Variants in PLXNA4 observed in about 807,000 individuals in gnomAD.
PLXNA4 encodes the protein plexin A4.
Under a neutral mutation model 191.8 loss-of-function variants are expected in PLXNA4, and 44 were observed. The observed-to-expected ratio is 0.23, with a 90% CI of 0.18 to 0.29. The LOEUF (loss-of-function observed/expected upper bound fraction) is 0.29. Ranked by LOEUF, PLXNA4 falls within the 10% of genes least tolerant of loss-of-function variation. The probability of loss-of-function intolerance (pLI) is 1.00; values close to 1 mark genes in which losing one functional copy is unlikely to be tolerated. For missense variants in PLXNA4, 1,800 were observed against 2,488.8 expected (o/e 0.72, Z 5.89); for synonymous variants, 1,082 against 1,009.5 (o/e 1.07, Z -1.36).
chr7:132,226,348 G>A, intron 7 of PLXNA4, 88 bp from the exon 8 acceptor site: 1 of 1,166,092 alleles, frequency 8.6e-7, no homozygotes, highest in Non-Finnish European at 1.2e-6. Context: ...GGAAAAGGGA[G>A]CCTGCTCCCC....
At chr7:132,402,218 T>C (rs1299857051) in intron 3 of PLXNA4, among the ~76,000 whole-genome samples, 1 of 152,122 alleles carries the variant, frequency 6.6e-6, no homozygotes, top group Admixed American at 6.5e-5. Flanking sequence ...TCCAAGCCCG[T>C]AGCAAATTAA....
At chr7:132,581,048 C>T (rs190128734), upstream of PLXNA4, among the ~76,000 whole-genome samples, 2 of 152,316 alleles carry the variant, frequency 1.3e-5, no homozygotes, top group African/African-American at 4.8e-5. Flanking sequence ...CACACTCCAG[C>T]AGCCTTTAAT....
rs57153762 is a variant in PLXNA4, at chr7:132,156,135, T to TACACACACACACACAC, written c.4660+3322_4660+3337dup. Among the ~76,000 whole-genome samples, 702 of 133,066 alleles carry TACACACACACACACAC rather than the reference T, an allele frequency of 5.3e-3. 5 individuals are homozygous for TACACACACACACACAC. Among genetic ancestry groups the TACACACACACACACAC allele is most frequent in the African/African-American group, 0.017 (595 of 34,368 alleles). The allele number at this position is 133,066 out of a possible 152,430, so 87.3% of individuals were successfully genotyped here. A position where few individuals can be genotyped will look rare whatever the true frequency, so the allele number is the denominator to read the frequency against. ...CTCTCTCTCTCTCTGTTTCTGGACA[T>TACACACACACACACAC]ACACACACACACACACACACACACA... is the stretch of plus-strand genomic sequence containing the variant. On this transcript the variant is annotated intron_variant, in intron 25 of 31. Transcript: ENST00000321063.
chr7:132,407,672 G>C (rs909130636), intron 3 of PLXNA4, among the ~76,000 whole-genome samples: 1 of 152,164 alleles, frequency 6.6e-6, no homozygotes, highest in African/African-American at 2.4e-5. Flanking sequence ...ATCAGTTTGA[G>C]GGGCTTGTCC....
chr7:132,576,932 G>A (rs575678770), upstream of PLXNA4: 4 of 149,084 alleles, frequency 2.7e-5, no homozygotes, highest in African/African-American at 9.7e-5. The surrounding 1 kb of genome is among the most constrained non-coding windows in gnomAD (Gnocchi z 5.8). Flanking sequence ...CCGCCGGGGA[G>A]CGCTCTCGGC....
Position 132,483,979 on chromosome 7 carries a change from G to A in PLXNA4, c.1371+5313C>T, listed in dbSNP as rs944297214. On this transcript the variant is annotated intron_variant, in intron 3 of 31. Transcript: ENST00000321063. ...AGGAGGGACCACTTGAGATCCCCCA[G>A]GGATGTGCAGGGAAGGTGGGTGGGC... 5.3e-5 allele frequency among the ~76,000 whole-genome samples: 8 copies of A among 152,242 alleles called. No individual in the cohort carries two copies. In the South Asian group the frequency reaches 1.4e-3, roughly 28 times the overall value.
intron 25 of PLXNA4, among the ~76,000 whole-genome samples, chr7:132,149,806 T>G (rs1029527274): frequency 6.6e-5 from 10 of 152,198 alleles, no homozygotes; most frequent in African/African-American, 2.2e-4. Context: ...CAGAGCCACA[T>G]GTTCAGATTC....
intron 3 of PLXNA4, among the ~76,000 whole-genome samples, chr7:132,367,072 G>C (rs1447424732): frequency 6.6e-6 from 1 of 152,192 alleles, no homozygotes; most frequent in Non-Finnish European, 1.5e-5. Context: ...TACCTAGCTG[G>C]TGAGAGCTTC....
chr7:132,622,632 A>G (rs1330421282), intron 2 of PLXNA4, among the ~76,000 whole-genome samples: 1 of 152,118 alleles, frequency 6.6e-6, no homozygotes, highest in East Asian at 1.9e-4. Flanking sequence ...GTGACCTAAG[A>G]ACTACTTCCC....
In PLXNA4 at chr7:132,586,164, C is replaced by T. The variant is rs192901608; in HGVS notation, c.-87+59764G>A. ...AATGCATCAAAGACAACATGAAGGACGGTTTTCTTAGGGTATATGTCAGAG... is the reference window on the plus strand; with the variant it reads ...AATGCATCAAAGACAACATGAAGGATGGTTTTCTTAGGGTATATGTCAGAG... On this transcript the variant is annotated intron_variant, in intron 2 of 4. Coordinates refer to the PLXNA4 transcript ENST00000378539. Among the ~76,000 whole-genome samples the T allele has an allele frequency of 9.2e-5, 14 of 152,268 alleles. No homozygotes were observed. In the East Asian group the frequency reaches 1.2e-3, roughly 13 times the overall value.
rs142254658 is a variant in PLXNA4 at position 132,213,836 on chromosome 7, C to T, written c.2098-2693G>A. On this transcript the variant is annotated intron_variant, in intron 9 of 31. Transcript: ENST00000321063. ...GTCCCTGGAGGGAATCAGATCTGGT[C>T]GCACTGGGAGTGAGAGCCAGGAGGC... 1.4e-4 allele frequency among the ~76,000 whole-genome samples: 21 copies of T among 152,240 alleles called. No individual in the cohort carries two copies. In the East Asian group the frequency reaches 2.5e-3, roughly 18 times the overall value.
chr7:132,174,832 GGTGTAAGTTCTATA>G lies in PLXNA4; in HGVS notation c.3949_3962del (p.Tyr1317HisfsTer9). On this transcript the variant is annotated frameshift_variant, in exon 21 of 32. Coordinates refer to ENST00000321063, the MANE Select transcript of PLXNA4 (RefSeq NM_020911.2). LOFTEE classifies it high-confidence loss of function. ...CAATTCCTGGGAACAGCACCCGCAT[GGTGTAAGTTCTATA>G]GTCCAGGAACGGAATCCCGGCTCCA... 6.2e-7 allele frequency: 1 copy of G among 1,614,066 alleles called. No individual in the cohort carries two copies. Among genetic ancestry groups the G allele is most frequent in the Non-Finnish European group, 8.5e-7 (1 of 1,179,930 alleles).
At chr7:132,370,086 G>A (rs1213430589) in intron 3 of PLXNA4, among the ~76,000 whole-genome samples, 1 of 144,158 alleles carries the variant, frequency 6.9e-6, no homozygotes, top group Non-Finnish European at 1.5e-5. Context: ...AAAAAAAAAA[G>A]GTATGCAGTG....
At chr7:132,257,990 C>T (rs1562995577) in intron 4 of PLXNA4, among the ~76,000 whole-genome samples, 1 of 152,216 alleles carries the variant, frequency 6.6e-6, no homozygotes, top group East Asian at 1.9e-4. Flanking sequence ...AAAGCCAGCT[C>T]TCTGAGATGG....
At chr7:132,495,934 A>G (rs1797994963) in intron 2 of PLXNA4, among the ~76,000 whole-genome samples, 1 of 152,154 alleles carries the variant, frequency 6.6e-6, no homozygotes, top group Non-Finnish European at 1.5e-5. Flanking sequence ...TTTATGAAAA[A>G]CCTACTAAGC....
chr7:132,299,177 C>T (rs925508129), intron 3 of PLXNA4, among the ~76,000 whole-genome samples: 1 of 152,200 alleles, frequency 6.6e-6, no homozygotes, highest in Non-Finnish European at 1.5e-5. Flanking sequence ...GAGAGTGTGG[C>T]TAGGCAAGAA....
chr7:132,468,729 C>T (rs993990139), intron 3 of PLXNA4, among the ~76,000 whole-genome samples: 1 of 146,152 alleles, frequency 6.8e-6, no homozygotes, highest in African/African-American at 2.7e-5. Context: ...ACACAATATG[C>T]ACACGCACAC....
At chr7:132,350,531 T>A (rs977268172) in intron 3 of PLXNA4, among the ~76,000 whole-genome samples, 38 of 151,920 alleles carry the variant, frequency 2.5e-4, no homozygotes, top group Non-Finnish European at 1.5e-4. Context: ...AATAAAAAAA[T>A]AAAAGAATAC....
chr7:132,453,548 G>GT (rs35197607), intron 3 of PLXNA4, among the ~76,000 whole-genome samples: 7,495 of 148,074 alleles, frequency 0.051, 582 homozygotes, highest in African/African-American at 0.17. Flanking sequence ...CACAGTGAGG[G>GT]TTTTTTTTTT....
Sources: allele counts gnomAD v4.1 joint callset (sites outside exome capture counted in the v4.1 genomes callset), GRCh38; gene constraint gnomAD v4.1.1; non-coding constraint Gnocchi (gnomAD v3.1); transcripts MANE v1.5; gene names NCBI Gene and HGNC (gene_info 2026-07-23, HGNC 2026-07-21).